The following KCNIP4 variants were observed in gnomAD, a reference collection of about 807,000 sequenced individuals.
KCNIP4 encodes potassium voltage-gated channel interacting protein 4, also known as Kv channel-interacting protein 4.
KCNIP4 carries 12 observed loss-of-function variants against 34.0 expected under a neutral mutation model. The ratio of observed to expected loss-of-function variants is 0.35; its 90% CI spans 0.23 to 0.57. The LOEUF (loss-of-function observed/expected upper bound fraction) is 0.57. KCNIP4 is among the 20% of genes least tolerant of loss of function. The pLI is 0.83. For missense variants in KCNIP4, 238 were observed against 311.7 expected (o/e 0.76, Z 1.78); for synonymous variants, 124 against 102.2 (o/e 1.21, Z -1.29).
chr4:21,674,149 C>G (rs183854867), intron 1 of KCNIP4, among the ~76,000 whole-genome samples: 275 of 152,228 alleles, frequency 1.8e-3, no homozygotes, highest in African/African-American at 6.4e-3. Context: ...ATACTTATAG[C>G]TCTTTGCTAT....
At chr4:21,606,074 T>G (rs1035551959) in intron 1 of KCNIP4, among the ~76,000 whole-genome samples, 1 of 152,150 alleles carries the variant, frequency 6.6e-6, no homozygotes, top group Non-Finnish European at 1.5e-5. Flanking sequence ...ACAATCTTAC[T>G]GGGGAGTTGA....
At chr4:20,998,825 G>A (rs149704614) in intron 1 of KCNIP4, among the ~76,000 whole-genome samples, 57 of 152,292 alleles carry the variant, frequency 3.7e-4, no homozygotes, top group Non-Finnish European at 1.0e-4. Context: ...TGCACAGTCG[G>A]TGCACTTAAT....
At chr4:21,330,869 T>C (rs562905081) in intron 1 of KCNIP4, among the ~76,000 whole-genome samples, 1 of 152,312 alleles carries the variant, frequency 6.6e-6, no homozygotes, top group South Asian at 2.1e-4. Context: ...TTCTCTTCCT[T>C]GTGCTTTGCC....
intron 1 of KCNIP4, among the ~76,000 whole-genome samples, chr4:21,635,101 A>T (rs1746038617): frequency 6.6e-6 from 1 of 152,172 alleles, no homozygotes; most frequent in African/African-American, 2.4e-5. Flanking sequence ...ATATAAAGTT[A>T]TTTTAAAATA....
chr4:20,919,853 C>T (rs1729220526), intron 1 of KCNIP4, among the ~76,000 whole-genome samples: 1 of 151,880 alleles, frequency 6.6e-6, no homozygotes, highest in Non-Finnish European at 1.5e-5. Context: ...ATTTACTTAC[C>T]ATCAAACTTT....
At chr4:21,795,705 T>G (rs566789167) in intron 1 of KCNIP4, among the ~76,000 whole-genome samples, 1 of 152,238 alleles carries the variant, frequency 6.6e-6, no homozygotes, top group Non-Finnish European at 1.5e-5. Context: ...TAAAAAGAGA[T>G]GCAAGGGTAT....
chr4:21,278,748 AG>A (rs75915616), intron 1 of KCNIP4, among the ~76,000 whole-genome samples: 12,249 of 152,264 alleles, frequency 0.08, 558 homozygotes, highest in South Asian at 0.17. Flanking sequence ...GATGTCCCCA[AG>A]GGCAGAGGGG....
rs2149247045 is a variant in KCNIP4, at chr4:20,729,973, TATGCTTC to T, written c.*102_*108del. 7.9e-7 allele frequency: 1 copy of T among 1,262,802 alleles called. No homozygotes were observed. The highest frequency in any genetic ancestry group is 1.9e-5 in the South Asian group (1 of 53,268). 78.2% of individuals were successfully genotyped at this position (1,262,802 alleles called of 1,614,324 possible). On this transcript the variant is annotated 3_prime_UTR_variant, in exon 9 of 9. Transcript: ENST00000382152. ...ATTAAAACAAAGCTTGTTTGCATAA[TATGCTTC>T]AGTGTCAAGCTGAGCAATCTATGCT...
At chr4:21,468,757 C>T (rs543257302) in intron 1 of KCNIP4, among the ~76,000 whole-genome samples, 61 of 152,314 alleles carry the variant, frequency 4.0e-4, no homozygotes, top group African/African-American at 1.4e-3. Context: ...AACTGGCTGG[C>T]TGACAAATCT....
intron 2 of KCNIP4, among the ~76,000 whole-genome samples, chr4:20,874,434 C>A (rs1396407260): frequency 6.6e-6 from 1 of 152,112 alleles, no homozygotes; most frequent in Non-Finnish European, 1.5e-5. Flanking sequence ...TCTGAGTGTT[C>A]CCCTGTGCCT....
intron 1 of KCNIP4, among the ~76,000 whole-genome samples, chr4:21,826,122 A>C (rs1722664982): frequency 6.6e-6 from 1 of 152,282 alleles, no homozygotes; most frequent in East Asian, 1.9e-4. Context: ...TAAGGTTAGA[A>C]AGGTGCACAG....
intron 1 of KCNIP4, among the ~76,000 whole-genome samples, chr4:21,091,999 T>C (rs1747039765): frequency 6.6e-6 from 1 of 152,214 alleles, no homozygotes; most frequent in African/African-American, 2.4e-5. Context: ...GCTCAGCAAC[T>C]GGCCAAGCCA....
chr4:21,148,395 T>G (rs1181133058), intron 1 of KCNIP4, among the ~76,000 whole-genome samples: 2 of 152,152 alleles, frequency 1.3e-5, no homozygotes, highest in Non-Finnish European at 2.9e-5. Context: ...CTGACACTAC[T>G]AAAACCATAT....
intron 1 of KCNIP4, among the ~76,000 whole-genome samples, chr4:21,096,560 T>A (rs1747474751): frequency 6.6e-6 from 1 of 152,122 alleles, no homozygotes; most frequent in African/African-American, 2.4e-5. Context: ...AAATATTATT[T>A]TTTATTATAG....
intron 1 of KCNIP4, among the ~76,000 whole-genome samples, chr4:20,946,795 A>G (rs771515410): frequency 7.9e-5 from 12 of 152,114 alleles, no homozygotes; most frequent in Non-Finnish European, 1.5e-4. Flanking sequence ...ATTCCAATCT[A>G]ATAAAATGCA....
intron 1 of KCNIP4, among the ~76,000 whole-genome samples, chr4:21,192,952 C>CTACTACTAA (rs757200407): frequency 1.0e-4 from 15 of 145,118 alleles, no homozygotes; most frequent in East Asian, 8.2e-4. Flanking sequence ...ACTACTACTA[C>CTACTACTAA]TAATAATAAT....
At chr4:21,309,558 T>G (rs939787263) in intron 1 of KCNIP4, among the ~76,000 whole-genome samples, 2 of 152,342 alleles carry the variant, frequency 1.3e-5, no homozygotes, top group Admixed American at 1.3e-4. Flanking sequence ...TAATAGCTCA[T>G]GTGTGTAGAA....
At chr4:21,139,812 G>A (rs1485442579) in intron 1 of KCNIP4, among the ~76,000 whole-genome samples, 1 of 152,130 alleles carries the variant, frequency 6.6e-6, no homozygotes, top group Non-Finnish European at 1.5e-5. Context: ...ACCTCCTGAG[G>A]GGCTGTTTCC....
intron 1 of KCNIP4, among the ~76,000 whole-genome samples, chr4:21,077,074 T>C (rs1745554064): frequency 6.6e-6 from 1 of 151,980 alleles, no homozygotes; most frequent in Non-Finnish European, 1.5e-5. Context: ...GCAGTGACAG[T>C]GAGCTGAAAT....
Sources: gnomAD v4.1 joint callset for allele counts (sites outside exome capture counted in the v4.1 genomes callset) on GRCh38, gnomAD v4.1.1 for gene constraint, MANE v1.5 for transcripts, NCBI Gene and HGNC (gene_info 2026-07-23, HGNC 2026-07-21) for gene names.